ANK1: variants seen among roughly 807,000 people sequenced by gnomAD.
The protein encoded by ANK1 is ankyrin 1.
In ANK1, 51 loss-of-function variants were observed where a neutral mutation model predicts 210.4. The ratio of observed to expected loss-of-function variants is 0.24; its 90% CI spans 0.19 to 0.31. The LOEUF (loss-of-function observed/expected upper bound fraction) is 0.31. Among genes scored for constraint, ANK1 ranks in the 10% least tolerant of loss-of-function variants. The pLI, the probability that ANK1 is intolerant of heterozygous loss-of-function variation, is 1.00. For synonymous variants in ANK1, 967 were observed against 1,025.9 expected (o/e 0.94, Z 1.10); for missense variants, 2,051 against 2,504.4 (o/e 0.82, Z 3.86).
chr8:41,842,363 G>T (rs1441899209), intron 1 of ANK1, among the ~76,000 whole-genome samples: 1 of 152,020 alleles, frequency 6.6e-6, no homozygotes, highest in Non-Finnish European at 1.5e-5. Flanking sequence ...CGTGGTGGTG[G>T]GCGCCTATAA....
chr8:41,661,979 C>A, intron 40 of ANK1, 38 bp from the exon 41 acceptor site: 1 of 1,609,666 alleles, frequency 6.2e-7, no homozygotes, highest in Non-Finnish European at 8.5e-7. Context: ...GCTGGTCAGG[C>A]CGGGCTCGGG....
At chr8:41,683,035 G>GACACACACACACATGTACGGAC (rs1563405354) in intron 37 of ANK1, among the ~76,000 whole-genome samples, 1 of 151,854 alleles carries the variant, frequency 6.6e-6, no homozygotes, top group African/African-American at 2.4e-5. Context: ...AACACCCACG[G>GACACACACACACATGTACGGAC]ACACACACAC....
intron 3 of ANK1, 31 bp downstream of exon 3, chr8:41,733,940 G>T (rs776887315): frequency 1.3e-6 from 2 of 1,591,290 alleles, no homozygotes; most frequent in Non-Finnish European, 1.7e-6. Context: ...AATTTTCAAT[G>T]CAAAGCTCCC....
At chr8:41,665,427 T>G in intron 39 of ANK1, 1 of 500,984 alleles carries the variant, frequency 2.0e-6, no homozygotes, top group South Asian at 1.9e-5. Context: ...CGCTGCTGCC[T>G]AACCCCGCCC....
At chr8:41,662,773 G>T (rs534936583) in intron 40 of ANK1, among the ~76,000 whole-genome samples, 130 of 152,168 alleles carry the variant, frequency 8.5e-4, no homozygotes, top group African/African-American at 3.0e-3. Context: ...GATGAGAGCT[G>T]CGCCTAAGCA....
At position 41,696,603 on chromosome 8, in the gene ANK1, A is replaced by G. The variant is rs1457424286; in HGVS notation, c.2736-16T>C. 1 of 1,613,346 alleles carries G rather than the reference A, an allele frequency of 6.2e-7. No homozygotes were observed. Among genetic ancestry groups the G allele is most frequent in the African/African-American group, 1.3e-5 (1 of 74,998 alleles). ...CACCAGAAACCTAGGAGTGGGGCAG[A>G]TGCACGTTGGGCTTCTGCATCCCCT... On this transcript the variant is annotated splice_polypyrimidine_tract_variant and intron_variant, in intron 25 of 42. Transcript: ENST00000289734.
intron 37 of ANK1, among the ~76,000 whole-genome samples, chr8:41,682,532 G>C (rs1816387657): frequency 1.3e-5 from 2 of 152,234 alleles, no homozygotes; most frequent in Non-Finnish European, 2.9e-5. Flanking sequence ...GTTGATACTT[G>C]AAAAATATTT....
chr8:41,688,267 G>A (rs1412107552), intron 34 of ANK1, 37 bp from the exon 35 acceptor site: 3 of 1,606,272 alleles, frequency 1.9e-6, no homozygotes, highest in Non-Finnish European at 2.6e-6. Flanking sequence ...AGTAGCCAGG[G>A]CAGGACACAG....
At chr8:41,686,384 C>G (rs989977833) in intron 35 of ANK1, 101 bp from the exon 36 acceptor site, 32 of 1,493,066 alleles carry the variant, frequency 2.1e-5, no homozygotes, top group Middle Eastern at 4.7e-4. Context: ...TGGGGGGACC[C>G]AGTGGGGAGC....
At chr8:41,667,759 T>G (rs1284849971) in intron 39 of ANK1, among the ~76,000 whole-genome samples, 1 of 152,128 alleles carries the variant, frequency 6.6e-6, no homozygotes, top group Non-Finnish European at 1.5e-5. Context: ...AGAGTCCACG[T>G]GAATAGCCAC....
rs527928946 is a variant in ANK1, at chr8:41,671,061, C to T, written c.5096+1293G>A. On this transcript the variant is annotated intron_variant, in intron 38 of 42. Transcript: ENST00000289734. ...GGTGTAGGCCCTGGCCCAGATGGGA[C>T]GATGAGAGCTCCAAGGTGAGCCGGT... Among the ~76,000 whole-genome samples the T allele has an allele frequency of 2.6e-3, 393 of 152,312 alleles. 2 individuals carry two copies. Among genetic ancestry groups the T allele is most frequent in the African/African-American group, 9.0e-3 (374 of 41,570 alleles).
chr8:41,743,092 C>A (rs1835197808), intron 2 of ANK1, among the ~76,000 whole-genome samples: 1 of 152,126 alleles, frequency 6.6e-6, no homozygotes, highest in Non-Finnish European at 1.5e-5. Flanking sequence ...TATTATTGGT[C>A]CTTGTTTGTG....
intron 1 of ANK1, among the ~76,000 whole-genome samples, chr8:41,855,532 A>T (rs533346978): frequency 6.6e-6 from 1 of 152,296 alleles, no homozygotes; most frequent in East Asian, 1.9e-4. Flanking sequence ...ATATAGAGGA[A>T]CCCACAGAGC....
At chr8:41,730,645 T>C (rs545437470) in intron 3 of ANK1, among the ~76,000 whole-genome samples, 22 of 152,344 alleles carry the variant, frequency 1.4e-4, no homozygotes, top group African/African-American at 5.1e-4. Context: ...AGCTCATTAA[T>C]AATTTTTCAT....
intron 5 of ANK1, 109 bp downstream of exon 5, chr8:41,727,141 A>G (rs2150661553): frequency 1.2e-6 from 1 of 829,880 alleles, no homozygotes; most frequent in Non-Finnish European, 2.1e-6. Context: ...AAGGTCATCC[A>G]TCATGACATG....
At chr8:41,896,469 C>T in exon 1 of ANK1, 1 of 1,602,086 alleles carries the variant, frequency 6.2e-7, no homozygotes, top group South Asian at 1.1e-5. Context: ...GCTGTTTGGC[C>T]GCTTGAGCCA....
intron 2 of ANK1, among the ~76,000 whole-genome samples, chr8:41,754,911 G>T (rs1320782380): frequency 6.6e-6 from 1 of 152,256 alleles, no homozygotes; most frequent in East Asian, 1.9e-4. Flanking sequence ...CTCAGCCACA[G>T]ACCATAAAAC....
At chr8:41,667,273 T>C (rs753692217) in intron 39 of ANK1, among the ~76,000 whole-genome samples, 35 of 152,140 alleles carry the variant, frequency 2.3e-4, no homozygotes, top group Non-Finnish European at 1.0e-4. Flanking sequence ...GCCACCCTAG[T>C]CCTGGAGTCT....
chr8:41,730,197 C>T (rs1276667183), intron 3 of ANK1, among the ~76,000 whole-genome samples: 1 of 152,284 alleles, frequency 6.6e-6, no homozygotes, highest in East Asian at 1.9e-4. Flanking sequence ...CCGTGTGGCC[C>T]CCCAGCCGCT....
Sources: gnomAD v4.1 joint callset for allele counts (sites outside exome capture counted in the v4.1 genomes callset) on GRCh38, gnomAD v4.1.1 for gene constraint, MANE v1.5 for transcripts, NCBI Gene and HGNC (gene_info 2026-07-23, HGNC 2026-07-21) for gene names.